CLEC4A: variants seen among roughly 807,000 people sequenced by gnomAD.
CLEC4A encodes C-type (calcium dependent, carbohydrate-recognition domain) lectin, superfamily member 6.
A neutral mutation model predicts 32.7 loss-of-function variants in CLEC4A; 27 were observed. The ratio of observed to expected loss-of-function variants is 0.83; its 90% CI spans 0.61 to 1.14. CLEC4A has a LOEUF of 1.14. Among genes scored for constraint, CLEC4A ranks in the 50% most tolerant of loss-of-function variants. The pLI, the probability that CLEC4A is intolerant of heterozygous loss-of-function variation, is 0.00. For synonymous variants in CLEC4A, 89 were observed against 93.7 expected (o/e 0.95, Z 0.29); for missense variants, 253 against 274.6 (o/e 0.92, Z 0.55).
chr12:8,138,427 G>T lies in CLEC4A; in HGVS notation c.*140G>T. On this transcript the variant is annotated 3_prime_UTR_variant, in exon 6 of 6. Coordinates refer to ENST00000229332, the MANE Select transcript of CLEC4A (RefSeq NM_016184.4). ...AACTATTCTACTTATGAGAGAATTG[G>T]TCTGTACATTGACTGATTCACTTTT... 1 of 1,022,372 alleles carries T rather than the reference G, an allele frequency of 9.8e-7. No homozygotes were observed. The highest frequency in any genetic ancestry group is 1.4e-6 in the Non-Finnish European group (1 of 692,118). 63.3% of individuals were successfully genotyped at this position (1,022,372 alleles called of 1,614,324 possible). A position where few individuals can be genotyped will look rare whatever the true frequency, so the allele number is the denominator to read the frequency against.
At position 8,123,650 on chromosome 12, in the gene CLEC4A, T is replaced by C. The variant is rs1014237518; in HGVS notation, c.-229T>C. The C allele has an allele frequency of 8.2e-6, 4 of 487,658 alleles. No individual in the cohort carries two copies. Among genetic ancestry groups the C allele is most frequent in the African/African-American group, 7.9e-5 (4 of 50,874 alleles). 30.2% of individuals were successfully genotyped at this position (487,658 alleles called of 1,614,324 possible). On this transcript the variant is annotated 5_prime_UTR_variant, in exon 1 of 6. Coordinates refer to ENST00000229332, the MANE Select transcript of CLEC4A (RefSeq NM_016184.4). The stretch of plus-strand genomic sequence containing the variant: ...TTCAAGGCTGTGATTCTCACTATAC[T>C]GGTCCTGAGGAAAGGGCTTCTGTGA...
intron 2 of CLEC4A, among the ~76,000 whole-genome samples, chr12:8,126,796 G>C (rs913745217): frequency 9.9e-5 from 15 of 152,172 alleles, no homozygotes; most frequent in African/African-American, 3.4e-4. Context: ...ATCTAGAGCT[G>C]TGTGTACCAA....
Position 8,123,816 on chromosome 12 carries a change from T to C in CLEC4A, c.-63T>C. On this transcript the variant is annotated 5_prime_UTR_variant, in exon 1 of 6. The change abolishes the stop of an existing upstream ORF in the 5' untranslated region. Coordinates refer to ENST00000229332, the MANE Select transcript of CLEC4A (RefSeq NM_016184.4). Reference sequence around the variant, plus strand: ...TACCACCATGTTTGGTTCCTGTTTATAAGATGTTTTAAGAAAGATCTGAAA... The same window carrying C: ...TACCACCATGTTTGGTTCCTGTTTACAAGATGTTTTAAGAAAGATCTGAAA... 1 of 1,164,528 alleles carries C rather than the reference T, an allele frequency of 8.6e-7. No homozygotes were observed. The highest frequency in any genetic ancestry group is 1.3e-6 in the Non-Finnish European group (1 of 773,622). 72.1% of individuals were successfully genotyped at this position (1,164,528 alleles called of 1,614,324 possible).
At chr12:8,116,566 A>G in the CLEC4A span, among the ~76,000 whole-genome samples, 1 of 152,244 alleles carries the variant, frequency 6.6e-6, no homozygotes, top group South Asian at 2.1e-4. Context: ...TAAATCAAGA[A>G]TATAATAGGA....
chr12:8,118,796 G>A (rs1418345217), upstream of CLEC4A, among the ~76,000 whole-genome samples: 3 of 152,198 alleles, frequency 2.0e-5, no homozygotes, highest in African/African-American at 7.2e-5. Flanking sequence ...TTGCCAGTGT[G>A]ATGATATTAA....
intron 2 of CLEC4A, among the ~76,000 whole-genome samples, chr12:8,128,430 A>G (rs1209562234): frequency 8.0e-6 from 1 of 124,390 alleles, no homozygotes; most frequent in Non-Finnish European, 1.7e-5. Flanking sequence ...TTTTTTTTTG[A>G]GATGGAGTCT....
intron 1 of CLEC4A, among the ~76,000 whole-genome samples, chr12:8,124,770 G>A (rs1242249578): frequency 1.3e-5 from 2 of 152,078 alleles, no homozygotes; most frequent in Non-Finnish European, 2.9e-5. Flanking sequence ...TATTACACAA[G>A]TATTAATGTT....
At chr12:8,134,772 G>A (rs1202045644) in intron 3 of CLEC4A, 1 of 1,554,582 alleles carries the variant, frequency 6.4e-7, no homozygotes. Flanking sequence ...AACCCAGCCC[G>A]GCTCCGGCCC....
At position 8,129,303 on chromosome 12, in the gene CLEC4A, C is replaced by T. The variant is rs780406364; in HGVS notation, c.239C>T (p.Thr80Ile). The T allele has an allele frequency of 5.6e-6, 9 of 1,605,316 alleles. No homozygotes were observed. In the African/African-American group the frequency reaches 1.2e-4, roughly 22 times the overall value. The change falls in exon 3 of 6, where the codon ACT becomes ATT. Residue 80 changes from threonine (T) to isoleucine (I), a missense_variant. By Grantham distance (89) the Thr-to-Ile change is moderately conservative. Transcript: ENST00000229332. ...TATTCTCAGCTTCTTGAAAAAAAGACTACAAAAGAGCTGGTTCATACAACA... is the reference window on the plus strand; with the variant it reads ...TATTCTCAGCTTCTTGAAAAAAAGATTACAAAAGAGCTGGTTCATACAACA... ...QKYSQLLEKK[T>I]TKELVHTTLE... is the part of the protein sequence containing the mutation.
At chr12:8,133,297 C>T (rs913817819) in intron 3 of CLEC4A, among the ~76,000 whole-genome samples, 7 of 151,968 alleles carry the variant, frequency 4.6e-5, no homozygotes, top group African/African-American at 9.7e-5. Context: ...GTGATCCGCC[C>T]GCCTCAGCCT....
chr12:8,106,137 A>G, the CLEC4A span, among the ~76,000 whole-genome samples: 13 of 152,152 alleles, frequency 8.5e-5, no homozygotes, highest in African/African-American at 3.1e-4. Flanking sequence ...CCATTTATTG[A>G]ATAGGGAGTC....
chr12:8,134,927 T>C, intron 3 of CLEC4A: 1 of 1,402,884 alleles, frequency 7.1e-7, no homozygotes, highest in Non-Finnish European at 9.3e-7. Flanking sequence ...TGAAACTTTC[T>C]AGTTTTTCAT....
the CLEC4A span, among the ~76,000 whole-genome samples, chr12:8,106,691 C>T: frequency 6.6e-6 from 1 of 151,912 alleles, no homozygotes; most frequent in Non-Finnish European, 1.5e-5. Flanking sequence ...TGATTTGCCT[C>T]TCAGCTTGGA....
At chr12:8,118,480 C>A in the CLEC4A span, among the ~76,000 whole-genome samples, 1 of 151,962 alleles carries the variant, frequency 6.6e-6, no homozygotes, top group Admixed American at 6.6e-5. Context: ...ATACAGGAAG[C>A]ATAGCAGCTT....
At chr12:8,135,037 A>ATTTTTTTTTTTTTTTTTTTTTTTTTT (rs1948086052) in intron 3 of CLEC4A, among the ~76,000 whole-genome samples, 1 of 10,278 alleles carries the variant, frequency 9.7e-5, no homozygotes, top group Non-Finnish European at 2.5e-4. Flanking sequence ...AATTCTAACA[A>ATTTTTTTTTTTTTTTTTTTTTTTTTT]TTTTATTATC....
the CLEC4A span, among the ~76,000 whole-genome samples, chr12:8,110,443 C>G: frequency 6.6e-6 from 1 of 152,138 alleles, no homozygotes; most frequent in Non-Finnish European, 1.5e-5. Context: ...TCCAGCCAGA[C>G]CGATCTAATT....
chr12:8,124,312 A>G (rs769714718), intron 1 of CLEC4A, among the ~76,000 whole-genome samples: 13 of 152,308 alleles, frequency 8.5e-5, no homozygotes, highest in Non-Finnish European at 1.8e-4. Flanking sequence ...TTCTGAAACC[A>G]TCAATCCAGA....
the CLEC4A span, among the ~76,000 whole-genome samples, chr12:8,117,994 G>C: frequency 2.6e-5 from 4 of 151,968 alleles, no homozygotes; most frequent in Non-Finnish European, 5.9e-5. Context: ...TGTGATTGGT[G>C]CTTTTTCCAA....
At chr12:8,129,475 A>G in intron 3 of CLEC4A, 113 bp downstream of exon 3, 1 of 735,326 alleles carries the variant, frequency 1.4e-6, no homozygotes, top group African/African-American at 1.8e-5. Context: ...GAGTCTCACA[A>G]TAATTTAAGC....
Sources: allele counts gnomAD v4.1 joint callset (sites outside exome capture counted in the v4.1 genomes callset), GRCh38; gene constraint gnomAD v4.1.1; transcripts MANE v1.5; gene names NCBI Gene and HGNC (gene_info 2026-07-23, HGNC 2026-07-21).